The following STXBP5 variants were observed in gnomAD, a reference collection of about 807,000 sequenced individuals.
STXBP5 encodes syntaxin binding protein 5, also known as syntaxin-binding protein 5.
STXBP5 carries 50 observed loss-of-function variants against 152.4 expected under a neutral mutation model. That is an observed-to-expected ratio of 0.33 (90% CI 0.26 to 0.42). The LOEUF (loss-of-function observed/expected upper bound fraction) is 0.42, where lower values mean the gene tolerates loss of function less well. STXBP5 is among the 10% of genes least tolerant of loss of function. The pLI, the probability that STXBP5 is intolerant of heterozygous loss-of-function variation, is 1.00. For missense variants in STXBP5, 1,167 were observed against 1,388.6 expected (o/e 0.84, Z 2.54); for synonymous variants, 492 against 494.7 (o/e 0.99, Z 0.07).
intron 23 of STXBP5, among the ~76,000 whole-genome samples, chr6:147,361,821 G>A (rs1220549337): frequency 6.6e-6 from 1 of 152,046 alleles, no homozygotes; most frequent in African/African-American, 2.4e-5. Flanking sequence ...TCTTTGGGTG[G>A]ACCAGAATAA....
intron 4 of STXBP5, among the ~76,000 whole-genome samples, chr6:147,256,644 G>A (rs1202265166): frequency 6.6e-6 from 1 of 152,178 alleles, no homozygotes; most frequent in East Asian, 1.9e-4. Context: ...TCTTGTGGCA[G>A]TTTAGAATGG....
chr6:147,356,962 C>T (rs1357181810), intron 22 of STXBP5, among the ~76,000 whole-genome samples: 1 of 152,164 alleles, frequency 6.6e-6, no homozygotes, highest in Non-Finnish European at 1.5e-5. Context: ...TTGGTTTAGA[C>T]ATTCTCAACT....
chr6:147,322,480 A>G (rs1239866225), intron 16 of STXBP5, among the ~76,000 whole-genome samples: 4 of 152,234 alleles, frequency 2.6e-5, no homozygotes, highest in Admixed American at 2.6e-4. Context: ...GTTTCCTAGC[A>G]TGTATGTCAT....
intron 25 of STXBP5, 59 bp downstream of exon 25, chr6:147,364,225 G>C: frequency 6.9e-7 from 1 of 1,447,858 alleles, no homozygotes; most frequent in African/African-American, 1.4e-5. Flanking sequence ...CTGAGGGCCC[G>C]TATACTGTCT....
chr6:147,268,531 C>T (rs998946623), intron 7 of STXBP5, among the ~76,000 whole-genome samples: 2 of 152,100 alleles, frequency 1.3e-5, no homozygotes, highest in Admixed American at 6.5e-5. Context: ...AAAGGGAATT[C>T]CCTTTGTTTT....
chr6:147,302,911 G>A (rs1175976781), intron 9 of STXBP5, among the ~76,000 whole-genome samples: 1 of 152,102 alleles, frequency 6.6e-6, no homozygotes, highest in Non-Finnish European at 1.5e-5. Context: ...ACAAATATAG[G>A]AGTGAGTATG....
At chr6:147,246,095 C>G (rs541766177) in intron 4 of STXBP5, among the ~76,000 whole-genome samples, 1 of 152,276 alleles carries the variant, frequency 6.6e-6, no homozygotes, top group African/African-American at 2.4e-5. Flanking sequence ...TTTATACATG[C>G]AAAAGAGATG....
intron 7 of STXBP5, among the ~76,000 whole-genome samples, chr6:147,275,250 T>A (rs1199158845): frequency 6.6e-6 from 1 of 152,144 alleles, no homozygotes; most frequent in Non-Finnish European, 1.5e-5. Context: ...GACTCTTAAT[T>A]ACCTTCATGA....
In STXBP5 at chr6:147,271,122, T is replaced by G. The variant is rs144611267; in HGVS notation, c.714+3955T>G. Among the ~76,000 whole-genome samples the G allele has an allele frequency of 9.3e-3, 1,421 of 152,202 alleles. 25 individuals carry two copies. Among genetic ancestry groups the G allele is most frequent in the African/African-American group, 0.032 (1,348 of 41,522 alleles). On this transcript the variant is annotated intron_variant, in intron 7 of 27. Transcript: ENST00000321680. ...GATGGTAGATTTAAATCCAGCTATGTCAATAATCAGATTAATAGTTTAAGC... is the reference window on the plus strand; with the variant it reads ...GATGGTAGATTTAAATCCAGCTATGGCAATAATCAGATTAATAGTTTAAGC...
In STXBP5 at chr6:147,291,122, A is replaced by G; in HGVS notation, c.867A>G (p.Pro289=). The change falls in exon 9 of 28, where the codon CCA becomes CCG. Residue 289 remains proline (P), a synonymous_variant. Transcript: ENST00000321680. The part of the protein sequence containing the change: ...HGKQLKDGKK[P]EPCKPILKVE... ...AACAGTTAAAGGATGGGAAGAAGCC[A>G]GAACCATGCAAACCTATCCTCAAGG... 1 of 1,612,344 alleles carries G rather than the reference A, an allele frequency of 6.2e-7. No homozygotes were observed. Among genetic ancestry groups the G allele is most frequent in the Non-Finnish European group, 8.5e-7 (1 of 1,179,050 alleles).
At chr6:147,349,076 A>T (rs1328319796) in intron 21 of STXBP5, among the ~76,000 whole-genome samples, 1 of 152,214 alleles carries the variant, frequency 6.6e-6, no homozygotes, top group African/African-American at 2.4e-5. Flanking sequence ...ATATAACATA[A>T]GATACAGTAA....
chr6:147,278,422 T>C (rs1780547405), intron 8 of STXBP5, among the ~76,000 whole-genome samples: 3 of 152,212 alleles, frequency 2.0e-5, no homozygotes, highest in African/African-American at 7.2e-5. Context: ...ATTGCAAATT[T>C]GAAATTTTAG....
At chr6:147,357,365 T>G (rs1233330350) in intron 22 of STXBP5, among the ~76,000 whole-genome samples, 1 of 151,974 alleles carries the variant, frequency 6.6e-6, no homozygotes, top group Admixed American at 6.6e-5. Flanking sequence ...TGGAGAAAAT[T>G]GTGTGGCTCT....
At chr6:147,352,773 C>T (rs1167058286) in intron 21 of STXBP5, among the ~76,000 whole-genome samples, 4 of 152,202 alleles carry the variant, frequency 2.6e-5, no homozygotes. Flanking sequence ...TCACCCTTTC[C>T]TGTGAGCCTA....
At chr6:147,288,494 T>C (rs1379109027) in intron 8 of STXBP5, among the ~76,000 whole-genome samples, 1 of 152,194 alleles carries the variant, frequency 6.6e-6, no homozygotes, top group Non-Finnish European at 1.5e-5. Context: ...TAGTATCTAT[T>C]GGGTAGATGA....
At chr6:147,363,791 G>A (rs1181289273) in intron 24 of STXBP5, 87 bp downstream of exon 24, 2 of 1,501,458 alleles carry the variant, frequency 1.3e-6, no homozygotes, top group East Asian at 2.3e-5. Flanking sequence ...AATGCTTTTT[G>A]TGTGTGTATA....
intron 9 of STXBP5, chr6:147,292,203 A>G: frequency 2.2e-6 from 1 of 448,180 alleles, no homozygotes; most frequent in Middle Eastern, 3.3e-4. Context: ...GTACCAGGCT[A>G]AAATATATAT....
intron 21 of STXBP5, among the ~76,000 whole-genome samples, chr6:147,340,610 A>G (rs1784046723): frequency 6.6e-6 from 1 of 152,064 alleles, no homozygotes. Context: ...TCCTACTTAC[A>G]TTTTACTAAA....
At chr6:147,207,435 G>A (rs73788817) in intron 2 of STXBP5, among the ~76,000 whole-genome samples, 9,540 of 152,266 alleles carry the variant, frequency 0.063, 416 homozygotes, top group African/African-American at 0.12. Context: ...CTGAGACGGT[G>A]TGTCTGAAGT....
Sources: gnomAD v4.1 joint callset for allele counts (sites outside exome capture counted in the v4.1 genomes callset) on GRCh38, gnomAD v4.1.1 for gene constraint, MANE v1.5 for transcripts, NCBI Gene and HGNC (gene_info 2026-07-23, HGNC 2026-07-21) for gene names.